POLR2M: variants seen among roughly 807,000 people sequenced by gnomAD.
POLR2M encodes RNA polymerase II subunit M, also known as protein GRINL1A.
POLR2M carries 30 observed loss-of-function variants against 34.6 expected under a neutral mutation model. That is an observed-to-expected ratio of 0.87 (90% CI 0.65 to 1.18). POLR2M has a LOEUF of 1.18. POLR2M is among the 50% of genes most tolerant of loss of function. The pLI is 0.00. For synonymous variants in POLR2M, 150 were observed against 166.7 expected, an observed-to-expected ratio of 0.90 and a Z score of 0.77; for missense variants, 432 against 448.7, an observed-to-expected ratio of 0.96 and a Z score of 0.34.
chr15:57,710,812 C>A (rs2040678401), intron 2 of POLR2M, among the ~76,000 whole-genome samples: 1 of 152,068 alleles, frequency 6.6e-6, no homozygotes, highest in East Asian at 1.9e-4. Flanking sequence ...TTTGAGGAGT[C>A]CTTAGGCCAT....
chr15:57,707,026 C>T, intron 1 of POLR2M, 71 bp downstream of exon 1: 3 of 1,551,898 alleles, frequency 1.9e-6, no homozygotes, highest in Non-Finnish European at 1.7e-6. Context: ...CCCCTCCCCT[C>T]CCGCACTCTG....
intron 3 of POLR2M, among the ~76,000 whole-genome samples, chr15:57,714,119 T>A (rs1332335084): frequency 6.6e-6 from 1 of 152,124 alleles, no homozygotes; most frequent in Non-Finnish European, 1.5e-5. Context: ...AGTGCTGGGA[T>A]TACAGGCGTG....
Position 57,715,140 on chromosome 15 carries a change from A to G in POLR2M, c.*461A>G, listed in dbSNP as rs1244079093. On this transcript the variant is annotated 3_prime_UTR_variant, in exon 4 of 4. Transcript: ENST00000299638. ...GGGAGCAGTCTAAAGAATTGTATGC[A>G]TGTTTGCATGGGGTTATTGAGACAT... 1.9e-5 allele frequency: 3 copies of G among 160,414 alleles called. No individual in the cohort carries two copies. Among genetic ancestry groups the G allele is most frequent in the African/African-American group, 7.2e-5 (3 of 41,488 alleles). The allele number at this position is 160,414 out of a possible 1,614,324, so 9.9% of individuals were successfully genotyped here. A position where few individuals can be genotyped will look rare whatever the true frequency, so the allele number is the denominator to read the frequency against.
At position 57,709,315 on chromosome 15, in the gene POLR2M, G is replaced by T. The variant is rs772321775; in HGVS notation, c.715G>T (p.Ala239Ser). 1.1e-5 allele frequency: 17 copies of T among 1,613,896 alleles called. No individual in the cohort carries two copies. In the South Asian group the frequency reaches 1.6e-4, roughly 16 times the overall value. ...PHYMEVLEMR[A>S]KNPVPQLRKF... Reference sequence around the variant, plus strand: ...TTACATGGAAGTGCTAGAAATGCGAGCCAAAAACCCAGTGCCCCAGCTGCG... The same window carrying T: ...TTACATGGAAGTGCTAGAAATGCGATCCAAAAACCCAGTGCCCCAGCTGCG... Residue 239 changes from alanine (A) to serine (S), a missense_variant, in exon 2 of 4, where the codon GCC becomes TCC. Ala to Ser is a moderately conservative substitution (Grantham distance 99, BLOSUM62 1). Transcript: ENST00000299638.
chr15:57,712,706 G>C (rs71478632), intron 3 of POLR2M, among the ~76,000 whole-genome samples: 1 of 152,222 alleles, frequency 6.6e-6, no homozygotes, highest in Non-Finnish European at 1.5e-5. Context: ...CCCATGTGAA[G>C]AGAGAAATAT....
Position 57,709,246 on chromosome 15 carries a change from A to G in POLR2M, c.646A>G (p.Lys216Glu), listed in dbSNP as rs1419816479. The G allele has an allele frequency of 6.2e-7, 1 of 1,614,214 alleles. No individual in the cohort carries two copies. The highest frequency in any genetic ancestry group is 8.5e-7 in the Non-Finnish European group (1 of 1,180,038). ...EQQSEENAST[K>E]NLTGLSSGTE... ...ACAGTCAGAAGAAAACGCAAGTACTAAGAACTTGACAGGCCTTTCCAGTGG... is the reference window on the plus strand; with the variant it reads ...ACAGTCAGAAGAAAACGCAAGTACTGAGAACTTGACAGGCCTTTCCAGTGG... The change falls in exon 2 of 4, where the codon AAG becomes GAG. Residue 216 changes from lysine to glutamate, a missense_variant. Physicochemically the swap from Lys to Glu is moderately conservative, Grantham distance 56 (BLOSUM62 1). Transcript: ENST00000299638.
chr15:57,706,735 C>G lies in POLR2M; in HGVS notation c.-108C>G. 2 of 1,282,738 alleles carry G rather than the reference C, an allele frequency of 1.6e-6. No homozygotes were observed. The highest frequency in any genetic ancestry group is 1.5e-5 in the South Asian group (1 of 68,628). The allele number at this position is 1,282,738 out of a possible 1,614,324, so 79.5% of individuals were successfully genotyped here. On this transcript the variant is annotated 5_prime_UTR_variant, in exon 1 of 4. Coordinates refer to ENST00000299638, the MANE Select transcript of POLR2M (RefSeq NM_015532.5). ...CCCCGTTCTTCCGGGAAAATGGCGA[C>G]TCCCGCTCGTGCCCCGGAGTCACCG...
At chr15:57,709,687 C>G (rs1178864515) in intron 2 of POLR2M, among the ~76,000 whole-genome samples, 1 of 152,058 alleles carries the variant, frequency 6.6e-6, no homozygotes, top group Non-Finnish European at 1.5e-5. Flanking sequence ...GTTTTGAAAC[C>G]AAATAATCGA....
At chr15:57,710,949 C>G (rs2040686027) in intron 2 of POLR2M, among the ~76,000 whole-genome samples, 1 of 152,166 alleles carries the variant, frequency 6.6e-6, no homozygotes, top group African/African-American at 2.4e-5. Context: ...CATGTATCAC[C>G]TGGATGCTGG....
Position 57,709,084 on chromosome 15 carries a change from G to A in POLR2M, c.484G>A (p.Val162Ile), listed in dbSNP as rs745435638. ...CCCAGCTTCCAGCAATAGAGACAGG[G>A]TACCACCTTCATCTGAAGCTAGTGA... ...KGPASSNRDR[V>I]PPSSEASEHH... Residue 162 changes from valine (V) to isoleucine (I), a missense_variant, in exon 2 of 4, where the codon GTA becomes ATA. Physicochemically the swap from Val to Ile is conservative, Grantham distance 29. Coordinates refer to ENST00000299638, the MANE Select transcript of POLR2M (RefSeq NM_015532.5). 2.5e-6 allele frequency: 4 copies of A among 1,614,144 alleles called. No homozygotes were observed. In the Admixed American group the frequency reaches 5.0e-5, roughly 20 times the overall value.
At chr15:57,709,425 A>G in intron 2 of POLR2M, 67 bp downstream of exon 2, 1 of 1,533,284 alleles carries the variant, frequency 6.5e-7, no homozygotes, top group Non-Finnish European at 8.8e-7. Context: ...AATTTACGAG[A>G]AACTGGGTGT....
chr15:57,712,565 T>TA (rs1466574503), intron 3 of POLR2M, among the ~76,000 whole-genome samples: 1 of 152,148 alleles, frequency 6.6e-6, no homozygotes, highest in Non-Finnish European at 1.5e-5. Context: ...GACCCCTTGT[T>TA]AGAGAATGAG....
In POLR2M at chr15:57,716,061, A is replaced by G. The variant is rs1218446275; in HGVS notation, c.*1382A>G. 4 of 152,306 alleles carry G rather than the reference A, an allele frequency of 2.6e-5. No individual in the cohort carries two copies. The highest frequency in any genetic ancestry group is 4.8e-5 in the African/African-American group (2 of 41,480). 9.4% of individuals were successfully genotyped at this position (152,306 alleles called of 1,614,324 possible). On this transcript the variant is annotated 3_prime_UTR_variant, in exon 4 of 4. Coordinates refer to ENST00000299638, the MANE Select transcript of POLR2M (RefSeq NM_015532.5). Reference sequence around the variant, plus strand: ...GATATGGAAGAGTTCATGTGCCTGGACACACAGTTCCCTGTAATCCTGCCA... The same window carrying G: ...GATATGGAAGAGTTCATGTGCCTGGGCACACAGTTCCCTGTAATCCTGCCA...
intron 3 of POLR2M, among the ~76,000 whole-genome samples, chr15:57,713,197 CA>C (rs10656680): frequency 2.1e-5 from 3 of 145,858 alleles, no homozygotes; most frequent in African/African-American, 2.5e-5. Flanking sequence ...GACCCTGTCT[CA>C]AAAAAAAAAA....
chr15:57,708,399 T>G (rs1342061572), intron 1 of POLR2M, among the ~76,000 whole-genome samples: 1 of 152,236 alleles, frequency 6.6e-6, no homozygotes, highest in Non-Finnish European at 1.5e-5. Flanking sequence ...TTTTGGAGAT[T>G]GCACTTTAAT....
intron 3 of POLR2M, among the ~76,000 whole-genome samples, chr15:57,712,683 C>A (rs1049729838): frequency 6.6e-6 from 1 of 152,196 alleles, no homozygotes; most frequent in African/African-American, 2.4e-5. Context: ...TGCTTTAGAG[C>A]ATAATCTGCA....
rs1199715813 is a variant in POLR2M at position 57,715,721 on chromosome 15, A to G, written c.*1042A>G. On this transcript the variant is annotated 3_prime_UTR_variant, in exon 4 of 4. Transcript: ENST00000299638. Reference sequence around the variant, plus strand: ...AGGATTATATGGTTGTCTCCAGAGAAATTAACTTACATTATCAAAAAATTC... The same window carrying G: ...AGGATTATATGGTTGTCTCCAGAGAGATTAACTTACATTATCAAAAAATTC... 6.6e-6 allele frequency: 1 copy of G among 152,238 alleles called. No homozygotes were observed. The highest frequency in any genetic ancestry group is 1.5e-5 in the Non-Finnish European group (1 of 68,048). The allele number at this position is 152,238 out of a possible 1,614,324, so 9.4% of individuals were successfully genotyped here.
intron 2 of POLR2M, among the ~76,000 whole-genome samples, 166 bp downstream of exon 2, chr15:57,709,524 A>G (rs922331201): frequency 3.9e-5 from 6 of 152,176 alleles, no homozygotes; most frequent in Admixed American, 1.3e-4. Context: ...AGCTTGGGCA[A>G]TATAATAAGA....
chr15:57,714,478 A>G, intron 3 of POLR2M, 58 bp from the exon 4 acceptor site: 1 of 1,595,938 alleles, frequency 6.3e-7, no homozygotes, highest in Non-Finnish European at 8.5e-7. Flanking sequence ...TTCCCATTGA[A>G]AAATTGTAAG....
Sources: allele counts gnomAD v4.1 joint callset (sites outside exome capture counted in the v4.1 genomes callset), GRCh38; gene constraint gnomAD v4.1.1; transcripts MANE v1.5; gene names NCBI Gene and HGNC (gene_info 2026-07-23, HGNC 2026-07-21).